DEPDC5: variants seen among roughly 807,000 people sequenced by gnomAD.
The protein encoded by DEPDC5 is DEP domain containing 5, GATOR1 subcomplex subunit, also known as GATOR1 complex protein DEPDC5.
In DEPDC5, 73 loss-of-function variants were observed where a neutral mutation model predicts 217.3. The observed-to-expected ratio is 0.34, with a 90% confidence interval of 0.28 to 0.41. The LOEUF is 0.41. Ranked by LOEUF, DEPDC5 falls within the 10% of genes least tolerant of loss-of-function variation. The pLI is 1.00. For synonymous variants in DEPDC5, 733 were observed against 756.7 expected (o/e 0.97, Z 0.51); for missense variants, 1,675 against 2,070.1 (o/e 0.81, Z 3.70).
At chr22:31,847,956 T>G (rs1337129291) in intron 31 of DEPDC5, among the ~76,000 whole-genome samples, 1 of 152,204 alleles carries the variant, frequency 6.6e-6, no homozygotes, top group African/African-American at 2.4e-5. Flanking sequence ...GGTATGGGCA[T>G]TGAGTAAATA....
At chr22:31,856,832 C>T (rs566343256) in intron 31 of DEPDC5, among the ~76,000 whole-genome samples, 3 of 152,206 alleles carry the variant, frequency 2.0e-5, no homozygotes, top group Admixed American at 1.3e-4. Flanking sequence ...TGCAGTGGCA[C>T]CATCTCAGCT....
At chr22:31,879,025 G>A (rs866401533) in intron 37 of DEPDC5, among the ~76,000 whole-genome samples, 28 of 65,036 alleles carry the variant, frequency 4.3e-4, no homozygotes, top group African/African-American at 2.5e-3. Flanking sequence ...GCGAGACTCC[G>A]TCTCAAAAAA....
intron 34 of DEPDC5, among the ~76,000 whole-genome samples, chr22:31,871,539 G>A (rs2092842122): frequency 6.6e-6 from 1 of 152,172 alleles, no homozygotes; most frequent in African/African-American, 2.4e-5. Flanking sequence ...AGCAGGAGCA[G>A]GTCTGAACTT....
At chr22:31,826,415 AT>A in intron 24 of DEPDC5, 1 of 406,120 alleles carries the variant, frequency 2.5e-6, no homozygotes, top group East Asian at 8.9e-5. Context: ...ACAATAACAT[AT>A]TTTGTATTCC....
intron 33 of DEPDC5, among the ~76,000 whole-genome samples, chr22:31,863,721 G>A (rs1303226070): frequency 1.3e-5 from 2 of 151,992 alleles, no homozygotes; most frequent in East Asian, 1.9e-4. Context: ...TCAGGAGTTC[G>A]AGACCAACCT....
intron 8 of DEPDC5, among the ~76,000 whole-genome samples, chr22:31,783,476 C>T (rs758451377): frequency 2.6e-5 from 4 of 152,156 alleles, no homozygotes; most frequent in Admixed American, 1.3e-4. Flanking sequence ...CTCTGGGCAA[C>T]GTAGGGAGAC....
intron 10 of DEPDC5, among the ~76,000 whole-genome samples, chr22:31,791,794 G>A (rs1010333126): frequency 4.0e-5 from 6 of 149,868 alleles, no homozygotes; most frequent in African/African-American, 1.5e-4. Flanking sequence ...GGGCATGGTG[G>A]CGTGCGTCTG....
intron 34 of DEPDC5, 162 bp from the exon 35 acceptor site, chr22:31,873,093 G>C: frequency 7.1e-7 from 1 of 1,405,948 alleles, no homozygotes; most frequent in African/African-American, 1.4e-5. Flanking sequence ...CCCCCTATGA[G>C]ATAACCCCCT....
chr22:31,861,529 A>G (rs1286308462), intron 33 of DEPDC5, 96 bp downstream of exon 33: 1 of 1,336,192 alleles, frequency 7.5e-7, no homozygotes, highest in African/African-American at 1.5e-5. Flanking sequence ...TTGGGCTGCA[A>G]CTAAGTTTGG....
At position 31,768,823 on chromosome 22, in the gene DEPDC5, T is replaced by C. The variant is rs778986487; in HGVS notation, c.373T>C (p.Cys125Arg). Residue 125 changes from cysteine to arginine, a missense_variant, in exon 7 of 43, where the codon TGT becomes CGT. Cys to Arg is a radical substitution (Grantham distance 180). Around this residue, in one of 11 missense-constraint regions of DEPDC5, gnomAD observed 628 missense variants for 762.1 expected, o/e 0.82. Transcript: ENST00000651528. ...CTCCCCCTCCTCTTAGGTCAGCACA[T>C]GTGCCTATATCACCCAGAAGGTGGA... ...WRLKKSLVSTCAYITQKVEFA... is the reference protein window; with the variant it reads ...WRLKKSLVSTRAYITQKVEFA... The C allele has an allele frequency of 4.3e-5, 67 of 1,560,954 alleles. No homozygotes were observed. Among genetic ancestry groups the C allele is most frequent in the Non-Finnish European group, 5.7e-5 (65 of 1,144,766 alleles).
At chr22:31,773,471 G>A (rs2148251523) in intron 7 of DEPDC5, among the ~76,000 whole-genome samples, 1 of 152,234 alleles carries the variant, frequency 6.6e-6, no homozygotes, top group Middle Eastern at 3.4e-3. Context: ...CTAGAGTGCT[G>A]GGATTACAGG....
At chr22:31,760,752 A>G in intron 4 of DEPDC5, 50 bp downstream of exon 4, 1 of 1,435,778 alleles carries the variant, frequency 7.0e-7, no homozygotes, top group Non-Finnish European at 9.6e-7. Context: ...TGCCTCAGAA[A>G]CTGTAAGAAA....
intron 31 of DEPDC5, among the ~76,000 whole-genome samples, chr22:31,855,595 G>T (rs574053286): frequency 8.6e-5 from 13 of 151,620 alleles, no homozygotes; most frequent in Non-Finnish European, 1.9e-4. Context: ...AGCCAGGATG[G>T]TCTCGATCTC....
At chr22:31,875,915 G>A (rs1296405645) in intron 36 of DEPDC5, 2 of 411,960 alleles carry the variant, frequency 4.9e-6, no homozygotes, top group Non-Finnish European at 8.8e-6. Flanking sequence ...TTACAGGCGT[G>A]AGCCACTGCT....
chr22:31,858,071 A>G (rs12170536), intron 32 of DEPDC5: 12,152 of 152,180 alleles, frequency 0.08, 632 homozygotes, highest in South Asian at 0.21. Context: ...ATAAAATACA[A>G]CAGTTAAGCT....
At chr22:31,878,366 A>G (rs895011023) in intron 37 of DEPDC5, among the ~76,000 whole-genome samples, 7 of 152,124 alleles carry the variant, frequency 4.6e-5, no homozygotes, top group African/African-American at 1.7e-4. Context: ...AGTTGAAAAC[A>G]TACCAGGTTA....
intron 24 of DEPDC5, among the ~76,000 whole-genome samples, chr22:31,832,769 C>A (rs1050040422): frequency 2.0e-5 from 3 of 152,122 alleles, no homozygotes; most frequent in Non-Finnish European, 2.9e-5. Context: ...TTGGGTTGTT[C>A]GTTTTCTTGC....
chr22:31,756,810 A>G (rs2081974766), intron 2 of DEPDC5, among the ~76,000 whole-genome samples: 1 of 151,976 alleles, frequency 6.6e-6, no homozygotes, highest in Admixed American at 6.6e-5. Flanking sequence ...AATCTCAGCT[A>G]CTAGGGAGGC....
intron 8 of DEPDC5, 73 bp from the exon 9 acceptor site, chr22:31,783,834 A>G (rs2084705271): frequency 7.6e-7 from 1 of 1,313,290 alleles, no homozygotes; most frequent in African/African-American, 1.5e-5. Context: ...GCAGATCTTC[A>G]GAACTTTTTC....
Sources: allele counts gnomAD v4.1 joint callset (sites outside exome capture counted in the v4.1 genomes callset), GRCh38; gene constraint gnomAD v4.1.1; regional missense constraint gnomAD v4.1.1; transcripts MANE v1.5; gene names NCBI Gene and HGNC (gene_info 2026-07-23, HGNC 2026-07-21).